Variants in CNTNAP2 observed in about 807,000 individuals in gnomAD.
CNTNAP2 encodes the protein contactin associated protein 2, also known as contactin-associated protein-like 2.
In CNTNAP2, 98 loss-of-function variants were observed where a neutral mutation model predicts 155.2. The ratio of observed to expected loss-of-function variants is 0.63; its 90% CI spans 0.54 to 0.75. The LOEUF (loss-of-function observed/expected upper bound fraction) is 0.75. Among genes scored for constraint, CNTNAP2 ranks in the 30% least tolerant of loss-of-function variants. The pLI is 0.00. For synonymous variants in CNTNAP2, 651 were observed against 631.2 expected, an observed-to-expected ratio of 1.03 and a Z score of -0.47; for missense variants, 1,727 against 1,688.1, an observed-to-expected ratio of 1.02 and a Z score of -0.40.
At chr7:146,706,917 TAAA>T (rs778959277) in intron 1 of CNTNAP2, among the ~76,000 whole-genome samples, 1 of 126,778 alleles carries the variant, frequency 7.9e-6, no homozygotes, top group Non-Finnish European at 1.8e-5. Context: ...ACTTAAAAGT[TAAA>T]AAAAAAAAAA....
intron 13 of CNTNAP2, among the ~76,000 whole-genome samples, chr7:147,881,315 G>C (rs1162125824): frequency 2.0e-5 from 3 of 152,206 alleles, no homozygotes; most frequent in Non-Finnish European, 2.9e-5. Flanking sequence ...AGGAGGGAGA[G>C]AGAGAGTGGG....
chr7:146,155,951 A>G (rs997733436), intron 1 of CNTNAP2, among the ~76,000 whole-genome samples: 4 of 151,760 alleles, frequency 2.6e-5, no homozygotes, highest in African/African-American at 4.8e-5. Context: ...TGATCCTCCC[A>G]CCTCGGCCTC....
At chr7:147,140,705 G>A (rs1342839005) in intron 8 of CNTNAP2, among the ~76,000 whole-genome samples, 2 of 152,028 alleles carry the variant, frequency 1.3e-5, no homozygotes, top group African/African-American at 2.4e-5. Context: ...CTTAGCTTTG[G>A]TTGAGCACAG....
intron 2 of CNTNAP2, among the ~76,000 whole-genome samples, chr7:146,820,624 G>A (rs1803261915): frequency 6.6e-6 from 1 of 152,248 alleles, no homozygotes; most frequent in South Asian, 2.1e-4. Context: ...GTGTGGTGCT[G>A]AAAAGAATGT....
intron 1 of CNTNAP2, among the ~76,000 whole-genome samples, chr7:146,463,626 A>G (rs1796671552): frequency 6.6e-6 from 1 of 152,114 alleles, no homozygotes; most frequent in African/African-American, 2.4e-5. Flanking sequence ...ACATATATGC[A>G]CATGTATGAA....
At chr7:147,630,296 T>A (rs1470162316) in intron 12 of CNTNAP2, among the ~76,000 whole-genome samples, 4 of 27,856 alleles carry the variant, frequency 1.4e-4, no homozygotes, top group Non-Finnish European at 3.2e-4. Context: ...CAATGACAAA[T>A]AGCAAAATTG....
chr7:147,799,263 A>T (rs1797950722), intron 13 of CNTNAP2, among the ~76,000 whole-genome samples: 1 of 152,156 alleles, frequency 6.6e-6, no homozygotes, highest in African/African-American at 2.4e-5. Flanking sequence ...AGGAGGAAAG[A>T]TGAAGTTTTT....
intron 1 of CNTNAP2, among the ~76,000 whole-genome samples, chr7:146,659,283 A>ACC (rs1800045626): frequency 6.6e-6 from 1 of 152,144 alleles, no homozygotes; most frequent in Admixed American, 6.5e-5. Context: ...AGAGATAACC[A>ACC]ATTTAAATGG....
At chr7:146,223,321 G>A (rs148369483) in intron 1 of CNTNAP2, among the ~76,000 whole-genome samples, 192 of 152,322 alleles carry the variant, frequency 1.3e-3, no homozygotes, top group African/African-American at 4.5e-3. Flanking sequence ...TTCTGACTAA[G>A]TTTGTGGAAG....
chr7:146,821,085 T>G (rs1024973146), intron 2 of CNTNAP2, among the ~76,000 whole-genome samples: 2 of 152,316 alleles, frequency 1.3e-5, no homozygotes, highest in African/African-American at 4.8e-5. Flanking sequence ...GTTTCCTGAA[T>G]ACAGCACACT....
chr7:148,118,277 T>G lies in CNTNAP2; in HGVS notation c.2543T>G (p.Leu848Arg), dbSNP rs902996317. 1 of 1,614,022 alleles carries G rather than the reference T, an allele frequency of 6.2e-7. No homozygotes were observed. The highest frequency in any genetic ancestry group is 8.5e-7 in the Non-Finnish European group (1 of 1,180,016). ...ENMGKEDFIKLELKSATEVSF... is the reference protein window; with the variant it reads ...ENMGKEDFIKRELKSATEVSF... ...ATGGGAAAGGAAGATTTCATCAAGC[T>G]GGAGCTGAAGTGTGAGTATAAGTTG... The change falls in exon 16 of 24, where the codon CTG becomes CGG. Residue 848 changes from leucine to arginine, a missense_variant. Transcript: ENST00000361727.
At chr7:146,660,441 A>G (rs1800067416) in intron 1 of CNTNAP2, among the ~76,000 whole-genome samples, 1 of 152,228 alleles carries the variant, frequency 6.6e-6, no homozygotes, top group Non-Finnish European at 1.5e-5. Context: ...AGTATTTTAT[A>G]TCATCGAGCT....
chr7:147,926,038 T>C (rs890884306), intron 14 of CNTNAP2, among the ~76,000 whole-genome samples: 23 of 152,222 alleles, frequency 1.5e-4, no homozygotes, highest in Admixed American at 4.6e-4. Context: ...AATTTAGGGA[T>C]GCTGACACTG....
intron 9 of CNTNAP2, among the ~76,000 whole-genome samples, chr7:147,330,521 C>T (rs2116840498): frequency 6.6e-6 from 1 of 152,266 alleles, no homozygotes; most frequent in Middle Eastern, 3.4e-3. Flanking sequence ...TGATTGGCAT[C>T]TGAATTATGA....
At chr7:146,443,104 C>T (rs1056340909) in intron 1 of CNTNAP2, among the ~76,000 whole-genome samples, 1 of 151,708 alleles carries the variant, frequency 6.6e-6, no homozygotes, top group Admixed American at 6.6e-5. Flanking sequence ...GTCCCAGCTA[C>T]TAGGGAGGCT....
intron 8 of CNTNAP2, among the ~76,000 whole-genome samples, chr7:147,261,684 AAAAT>A (rs1804469958): frequency 1.3e-5 from 2 of 152,198 alleles, no homozygotes; most frequent in African/African-American, 4.8e-5. Context: ...ACTGGGGAAA[AAAAT>A]AAAAAATCCA....
rs760458836 is a variant in CNTNAP2 at position 147,594,014 on chromosome 7, G to C, written c.1897+31757G>C. On this transcript the variant is annotated intron_variant, in intron 12 of 23. Transcript: ENST00000361727. ...CTGCTTTGAAGATGAAGAGACAGAC[G>C]CAGGGGTTGGTTTCAACATGTGAAA... 2.0e-5 allele frequency among the ~76,000 whole-genome samples: 3 copies of C among 152,042 alleles called. No homozygotes were observed. In the East Asian group the frequency reaches 5.8e-4, roughly 29 times the overall value.
chr7:148,389,819 C>T (rs1179743100), intron 22 of CNTNAP2: 1 of 152,058 alleles, frequency 6.6e-6, no homozygotes, highest in Non-Finnish European at 1.5e-5. Flanking sequence ...CTCTTCTCTT[C>T]CTTTGGGAGA....
At chr7:147,621,691 A>T (rs1463700792) in intron 12 of CNTNAP2, among the ~76,000 whole-genome samples, 2 of 152,022 alleles carry the variant, frequency 1.3e-5, no homozygotes, top group African/African-American at 4.8e-5. Flanking sequence ...AGAGAAGATC[A>T]CCTTCACTAA....
Sources: gnomAD v4.1 joint callset for allele counts (sites outside exome capture counted in the v4.1 genomes callset) on GRCh38, gnomAD v4.1.1 for gene constraint, MANE v1.5 for transcripts, NCBI Gene and HGNC (gene_info 2026-07-23, HGNC 2026-07-21) for gene names.